The following CAMK1D variants were observed in gnomAD, a reference collection of about 807,000 sequenced individuals.
The protein encoded by CAMK1D is calcium/calmodulin dependent protein kinase ID.
Under a neutral mutation model 47.7 loss-of-function variants are expected in CAMK1D, and 9 were observed. That is an observed-to-expected ratio of 0.19 (90% CI 0.11 to 0.33). CAMK1D has a LOEUF of 0.33. CAMK1D is among the 10% of genes least tolerant of loss of function. CAMK1D has a pLI of 1.00. For missense variants in CAMK1D, 291 were observed against 488.7 expected (o/e 0.60, Z 3.81); for synonymous variants, 184 against 184.9 (o/e 0.99, Z 0.04).
At chr10:12,642,164 C>T (rs140288384) in intron 2 of CAMK1D, among the ~76,000 whole-genome samples, 7 of 152,132 alleles carry the variant, frequency 4.6e-5, no homozygotes, top group Non-Finnish European at 7.4e-5. Flanking sequence ...CAGCAAAAGG[C>T]GGCACAGGTG....
intron 4 of CAMK1D, among the ~76,000 whole-genome samples, chr10:12,765,948 C>G (rs1372189545): frequency 3.4e-5 from 5 of 148,852 alleles, no homozygotes; most frequent in African/African-American, 1.3e-4. Flanking sequence ...CTGGCTGCCC[C>G]CATCCTAATC....
intron 1 of CAMK1D, among the ~76,000 whole-genome samples, chr10:12,410,445 C>T (rs535379082): frequency 6.6e-6 from 1 of 152,184 alleles, no homozygotes; most frequent in Non-Finnish European, 1.5e-5. Flanking sequence ...AAGGTGTTGA[C>T]AGGAAAAGCT....
intron 3 of CAMK1D, among the ~76,000 whole-genome samples, chr10:12,736,417 T>G (rs1318194180): frequency 6.6e-6 from 1 of 152,228 alleles, no homozygotes. Flanking sequence ...GATAATTCTA[T>G]TCGGCGAGTT....
chr10:12,629,741 C>G (rs1056579671), intron 2 of CAMK1D, among the ~76,000 whole-genome samples: 1 of 152,222 alleles, frequency 6.6e-6, no homozygotes. Flanking sequence ...ACATTCATTT[C>G]TCTGGGCTCA....
At chr10:12,729,578 A>G (rs1362354013) in intron 3 of CAMK1D, among the ~76,000 whole-genome samples, 4 of 152,074 alleles carry the variant, frequency 2.6e-5, no homozygotes, top group African/African-American at 9.7e-5. Flanking sequence ...GCAGTGAGCT[A>G]TGATGTTGCC....
chr10:12,499,740 A>G (rs371322781), intron 1 of CAMK1D, among the ~76,000 whole-genome samples: 16 of 152,210 alleles, frequency 1.1e-4, no homozygotes, highest in African/African-American at 3.9e-4. Flanking sequence ...TGCTTTGAGG[A>G]AAGTCTTTCA....
At chr10:12,375,282 G>A (rs1275494858) in intron 1 of CAMK1D, among the ~76,000 whole-genome samples, 1 of 152,184 alleles carries the variant, frequency 6.6e-6, no homozygotes, top group East Asian at 1.9e-4. Flanking sequence ...TCTCCACGGT[G>A]GTTTAGAGAG....
intron 3 of CAMK1D, among the ~76,000 whole-genome samples, chr10:12,744,704 A>G (rs1183554210): frequency 1.3e-5 from 2 of 151,830 alleles, no homozygotes; most frequent in African/African-American, 4.9e-5. Context: ...CAGCCTGGGC[A>G]ACATTGTGAG....
intron 1 of CAMK1D, among the ~76,000 whole-genome samples, chr10:12,425,572 G>A (rs976139956): frequency 1.3e-5 from 2 of 151,836 alleles, no homozygotes; most frequent in African/African-American, 4.8e-5. Context: ...GTGAGCCACC[G>A]CCCTCAGCCA....
At chr10:12,505,725 G>C (rs542245121) in intron 1 of CAMK1D, among the ~76,000 whole-genome samples, 4 of 152,336 alleles carry the variant, frequency 2.6e-5, no homozygotes, top group Admixed American at 2.6e-4. Flanking sequence ...AGAGCAGTCA[G>C]ATCTCTTCTT....
chr10:12,407,882 G>A (rs1839500425), intron 1 of CAMK1D, among the ~76,000 whole-genome samples: 1 of 129,398 alleles, frequency 7.7e-6, no homozygotes, highest in African/African-American at 3.0e-5. Context: ...TTTTGAGAGA[G>A]ACTCTCACTC....
intron 1 of CAMK1D, among the ~76,000 whole-genome samples, chr10:12,499,789 A>G (rs1834646531): frequency 6.6e-6 from 1 of 152,192 alleles, no homozygotes; most frequent in Non-Finnish European, 1.5e-5. Context: ...GTTACATAAC[A>G]GGGTGTCTCT....
chr10:12,372,913 G>C (rs1480985516), intron 1 of CAMK1D, among the ~76,000 whole-genome samples: 6 of 152,204 alleles, frequency 3.9e-5, no homozygotes, highest in Admixed American at 3.3e-4. Flanking sequence ...TTATAGGCGT[G>C]AGCCACTGTG....
chr10:12,557,425 G>A (rs1461183263), intron 2 of CAMK1D, among the ~76,000 whole-genome samples: 3 of 151,822 alleles, frequency 2.0e-5, no homozygotes, highest in Non-Finnish European at 4.4e-5. Context: ...GGTGGTGGGC[G>A]CCTGTAGTCC....
chr10:12,471,472 G>A (rs952498876), intron 1 of CAMK1D, among the ~76,000 whole-genome samples: 1 of 152,206 alleles, frequency 6.6e-6, no homozygotes, highest in African/African-American at 2.4e-5. Flanking sequence ...CATGTGAACC[G>A]TGTCCGAGGT....
At chr10:12,687,097 T>C (rs1832697977) in intron 3 of CAMK1D, among the ~76,000 whole-genome samples, 1 of 152,144 alleles carries the variant, frequency 6.6e-6, no homozygotes, top group African/African-American at 2.4e-5. Flanking sequence ...GGTACAGGGA[T>C]GTGTAATATA....
intron 3 of CAMK1D, among the ~76,000 whole-genome samples, chr10:12,695,061 T>C (rs1052979696): frequency 1.4e-5 from 1 of 71,696 alleles, no homozygotes; most frequent in African/African-American, 5.0e-5. Context: ...GATAGATAGA[T>C]AGATACATAG....
At chr10:12,367,900 G>C (rs1014988970) in intron 1 of CAMK1D, among the ~76,000 whole-genome samples, 2 of 152,100 alleles carry the variant, frequency 1.3e-5, no homozygotes, top group Admixed American at 6.6e-5. Context: ...GGCTTAGAAG[G>C]TGAAGTCTTT....
intron 1 of CAMK1D, among the ~76,000 whole-genome samples, chr10:12,458,448 G>T (rs1833323731): frequency 7.4e-6 from 1 of 134,862 alleles, no homozygotes; most frequent in Admixed American, 7.3e-5. Context: ...ACAGGGTCTT[G>T]CACTGTCACC....
Sources: gnomAD v4.1 joint callset for allele counts (sites outside exome capture counted in the v4.1 genomes callset) on GRCh38, gnomAD v4.1.1 for gene constraint, MANE v1.5 for transcripts, NCBI Gene and HGNC (gene_info 2026-07-23, HGNC 2026-07-21) for gene names.